The following FAM3B variants were observed in gnomAD, a reference collection of about 807,000 sequenced individuals.
FAM3B encodes FAM3 metabolism regulating signaling molecule B, also known as protein FAM3B.
FAM3B carries 29 observed loss-of-function variants against 28.4 expected under a neutral mutation model. That is an observed-to-expected ratio of 1.02 (90% confidence interval 0.76 to 1.39). FAM3B has a LOEUF of 1.39. Ranked by LOEUF, FAM3B falls within the 40% of genes most tolerant of loss-of-function variation. The pLI is 0.00. For synonymous variants in FAM3B, 91 were observed against 103.0 expected, an observed-to-expected ratio of 0.88 and a Z score of 0.71; for missense variants, 266 against 293.9, an observed-to-expected ratio of 0.91 and a Z score of 0.69.
intron 1 of FAM3B, among the ~76,000 whole-genome samples, chr21:41,307,269 T>G (rs576534090): frequency 6.6e-6 from 1 of 152,368 alleles, no homozygotes; most frequent in Admixed American, 6.5e-5. Flanking sequence ...CCAACTTTTC[T>G]TCTGCAGCTT....
At chr21:41,339,704 A>C (rs999898113) in intron 3 of FAM3B, among the ~76,000 whole-genome samples, 1 of 152,238 alleles carries the variant, frequency 6.6e-6, no homozygotes, top group South Asian at 2.1e-4. Flanking sequence ...TGAAGTTAAA[A>C]AATGTTGTTT....
At chr21:41,338,768 G>A (rs1369053030) in intron 3 of FAM3B, among the ~76,000 whole-genome samples, 5 of 152,216 alleles carry the variant, frequency 3.3e-5, no homozygotes, top group Admixed American at 6.5e-5. Context: ...ATTTAAATCT[G>A]AAGTGAGCAC....
chr21:41,349,785 C>A (rs561591134), intron 7 of FAM3B, among the ~76,000 whole-genome samples: 1 of 152,218 alleles, frequency 6.6e-6, no homozygotes, highest in Non-Finnish European at 1.5e-5. Flanking sequence ...CCCCTCTAGT[C>A]TCATGTTCCG....
At chr21:41,313,447 C>T (rs1467774474), upstream of FAM3B, among the ~76,000 whole-genome samples, 2 of 152,056 alleles carry the variant, frequency 1.3e-5, no homozygotes, top group African/African-American at 4.8e-5. Context: ...CATTCTTGAA[C>T]CTCATCATAC....
chr21:41,333,411 G>T (rs1450892627), intron 2 of FAM3B, among the ~76,000 whole-genome samples: 1 of 152,140 alleles, frequency 6.6e-6, no homozygotes. Context: ...TCATGATAAT[G>T]AGTGAGTTCT....
At chr21:41,353,289 G>A (rs974761311) in intron 7 of FAM3B, among the ~76,000 whole-genome samples, 1 of 152,160 alleles carries the variant, frequency 6.6e-6, no homozygotes, top group South Asian at 2.1e-4. Context: ...GATATATTTT[G>A]TAGAAATTGA....
intron 7 of FAM3B, among the ~76,000 whole-genome samples, chr21:41,352,569 C>A (rs1020638722): frequency 6.6e-6 from 1 of 152,014 alleles, no homozygotes; most frequent in Non-Finnish European, 1.5e-5. Flanking sequence ...TCAAGGCAGG[C>A]GGATCACGAG....
exon 1 of FAM3B, chr21:41,304,299 G>T (rs1228345144): frequency 4.4e-6 from 2 of 456,092 alleles, no homozygotes; most frequent in East Asian, 6.9e-5. Flanking sequence ...GAAGGCAGGA[G>T]CCCGAGACTG....
At chr21:41,333,135 T>G (rs997947393) in intron 2 of FAM3B, among the ~76,000 whole-genome samples, 14 of 151,920 alleles carry the variant, frequency 9.2e-5, no homozygotes, top group African/African-American at 3.4e-4. Flanking sequence ...TTTCTGGTTT[T>G]TTTTTTTTTG....
At chr21:41,334,274 G>A (rs1222953789) in intron 2 of FAM3B, among the ~76,000 whole-genome samples, 1 of 152,214 alleles carries the variant, frequency 6.6e-6, no homozygotes, top group Non-Finnish European at 1.5e-5. Context: ...AAGAAGCCAA[G>A]TGCTATTAGC....
At chr21:41,307,848 A>C (rs948305078) in intron 1 of FAM3B, among the ~76,000 whole-genome samples, 19 of 152,244 alleles carry the variant, frequency 1.2e-4, no homozygotes, top group African/African-American at 4.6e-4. Flanking sequence ...CATACCATAT[A>C]TGATAATGCT....
At chr21:41,336,376 G>T (rs545447308) in intron 2 of FAM3B, among the ~76,000 whole-genome samples, 1 of 152,256 alleles carries the variant, frequency 6.6e-6, no homozygotes, top group South Asian at 2.1e-4. Context: ...ACAAAAATTA[G>T]CCAGATGTGG....
chr21:41,343,389 A>C (rs370051), intron 3 of FAM3B, among the ~76,000 whole-genome samples: 7,452 of 152,270 alleles, frequency 0.049, 233 homozygotes, highest in African/African-American at 0.067. Flanking sequence ...AACAGCAACA[A>C]CAAAACTTGC....
At chr21:41,344,074 T>C (rs940523718) in intron 3 of FAM3B, among the ~76,000 whole-genome samples, 1 of 152,216 alleles carries the variant, frequency 6.6e-6, no homozygotes, top group African/African-American at 2.4e-5. Flanking sequence ...GAGCCACGAT[T>C]GCACAACTGC....
rs111601089 is a variant in FAM3B at position 41,332,016 on chromosome 21, C to T, written c.164-6362C>T. Among the ~76,000 whole-genome samples the T allele has an allele frequency of 9.2e-3, 1,396 of 152,272 alleles. 16 individuals carry two copies. Among genetic ancestry groups the T allele is most frequent in the African/African-American group, 0.03 (1,230 of 41,538 alleles). ...CCAAATCTCATTTGGAATTGTAATT[C>T]CCAGTGCTGGAGGTGGAGCCTGGAG... On this transcript the variant is annotated intron_variant, in intron 2 of 7. Coordinates refer to ENST00000357985, the MANE Select transcript of FAM3B (RefSeq NM_058186.4).
chr21:41,316,652 C>G (rs1248696607), upstream of FAM3B: 21 of 382,410 alleles, frequency 5.5e-5, no homozygotes, highest in Non-Finnish European at 3.2e-5. Context: ...CCTCAGAGCT[C>G]CCGGGCACAG....
At position 41,316,897 on chromosome 21, in the gene FAM3B, T is replaced by C; in HGVS notation, c.18T>C (p.Gly6=). 7.2e-7 allele frequency: 1 copy of C among 1,382,036 alleles called. No individual in the cohort carries two copies. Among genetic ancestry groups the C allele is most frequent in the Non-Finnish European group, 9.4e-7 (1 of 1,068,390 alleles). 85.6% of individuals were successfully genotyped at this position (1,382,036 alleles called of 1,614,324 possible). ...CCTGGAAGATGCGCCCATTGGCTGGTGGTGAGTGCGCCCCCGCCTCGGGGC... is the reference window on the plus strand; with the variant it reads ...CCTGGAAGATGCGCCCATTGGCTGGCGGTGAGTGCGCCCCCGCCTCGGGGC... MRPLA[G]GLLKVVFVVF... Residue 6 remains glycine (G), a splice_region_variant and synonymous_variant, in exon 1 of 8, where the codon GGT becomes GGC. Transcript: ENST00000357985.
At chr21:41,348,352 T>G (rs543491860) in intron 6 of FAM3B, among the ~76,000 whole-genome samples, 1 of 152,240 alleles carries the variant, frequency 6.6e-6, no homozygotes, top group South Asian at 2.1e-4. Flanking sequence ...GAAGTAGAAT[T>G]CTGTGCCCCA....
At chr21:41,330,191 A>G (rs2088892563) in intron 2 of FAM3B, among the ~76,000 whole-genome samples, 1 of 152,186 alleles carries the variant, frequency 6.6e-6, no homozygotes, top group African/African-American at 2.4e-5. Context: ...AAAACACACA[A>G]TCTGAAATGC....
Sources: gnomAD v4.1 joint callset for allele counts (sites outside exome capture counted in the v4.1 genomes callset) on GRCh38, gnomAD v4.1.1 for gene constraint, MANE v1.5 for transcripts, NCBI Gene and HGNC (gene_info 2026-07-23, HGNC 2026-07-21) for gene names.